The following PITPNC1 variants were observed in gnomAD, a reference collection of about 807,000 sequenced individuals.
The protein encoded by PITPNC1 is cytoplasmic phosphatidylinositol transfer protein 1.
In PITPNC1, 18 loss-of-function variants were observed where a neutral mutation model predicts 44.7. The ratio of observed to expected loss-of-function variants is 0.40; its 90% CI spans 0.28 to 0.60. The LOEUF is 0.60. Ranked by LOEUF, PITPNC1 falls within the 20% of genes least tolerant of loss-of-function variation. The pLI is 0.39. For synonymous variants in PITPNC1, 141 were observed against 149.6 expected, an observed-to-expected ratio of 0.94 and a Z score of 0.42; for missense variants, 290 against 418.4, an observed-to-expected ratio of 0.69 and a Z score of 2.68.
intron 1 of PITPNC1, among the ~76,000 whole-genome samples, chr17:67,476,384 C>T (rs1386463048): frequency 6.6e-6 from 1 of 151,796 alleles, no homozygotes; most frequent in Admixed American, 6.6e-5. Context: ...ACGGGGTTTC[C>T]CCATGTTGGC....
intron 1 of PITPNC1, among the ~76,000 whole-genome samples, chr17:67,390,678 G>A (rs1598607552): frequency 6.6e-6 from 1 of 152,238 alleles, no homozygotes; most frequent in East Asian, 1.9e-4. Flanking sequence ...GTCTAGGATG[G>A]CAAAATCACA....
chr17:67,504,541 A>C (rs1412651630), intron 1 of PITPNC1, among the ~76,000 whole-genome samples: 1 of 152,218 alleles, frequency 6.6e-6, no homozygotes, highest in Non-Finnish European at 1.5e-5. Context: ...TAGAACCCGT[A>C]CCTTCCTGGA....
chr17:67,659,983 C>T lies in PITPNC1; in HGVS notation c.463-9525C>T, dbSNP rs372311095. Among the ~76,000 whole-genome samples the T allele has an allele frequency of 7.7e-4, 117 of 152,218 alleles. 2 individuals are homozygous for T. The highest frequency in any genetic ancestry group is 2.1e-3 in the African/African-American group (89 of 41,550). ...CAACCTCCTCCCCCCAGGGTTCAAG[C>T]GATTCTTGTGCCTCAGCCTCCCAAG... is the stretch of plus-strand genomic sequence containing the variant. On this transcript the variant is annotated intron_variant, in intron 6 of 8. Transcript: ENST00000581322.
At chr17:67,454,166 G>A (rs1001952698) in intron 1 of PITPNC1, among the ~76,000 whole-genome samples, 6 of 151,768 alleles carry the variant, frequency 4.0e-5, no homozygotes, top group African/African-American at 1.2e-4. Flanking sequence ...CAGGAGAATC[G>A]CTTGAACACG....
chr17:67,663,027 C>G (rs2042371002), intron 6 of PITPNC1, among the ~76,000 whole-genome samples: 1 of 152,058 alleles, frequency 6.6e-6, no homozygotes, highest in Non-Finnish European at 1.5e-5. Flanking sequence ...AGAATGATTT[C>G]TTTTCTTTGG....
chr17:67,454,914 G>A (rs1434889959), intron 1 of PITPNC1, among the ~76,000 whole-genome samples: 1 of 151,082 alleles, frequency 6.6e-6, no homozygotes, highest in Non-Finnish European at 1.5e-5. Context: ...CCACCTCCAG[G>A]GCTCAAGCAA....
At chr17:67,582,626 T>C (rs1016421598) in intron 5 of PITPNC1, among the ~76,000 whole-genome samples, 11 of 152,204 alleles carry the variant, frequency 7.2e-5, no homozygotes, top group African/African-American at 2.7e-4. Context: ...AATATCTTCC[T>C]TGTTAAAAAT....
At chr17:67,407,925 T>C (rs1047328763) in intron 1 of PITPNC1, among the ~76,000 whole-genome samples, 1 of 152,208 alleles carries the variant, frequency 6.6e-6, no homozygotes, top group Non-Finnish European at 1.5e-5. Context: ...CCAATCGCTG[T>C]GCTTGTGAAC....
chr17:67,604,274 G>A (rs1418950939), intron 5 of PITPNC1, among the ~76,000 whole-genome samples: 1 of 152,200 alleles, frequency 6.6e-6, no homozygotes, highest in Non-Finnish European at 1.5e-5. Context: ...CTTCAGACAT[G>A]GATGGAAGGC....
chr17:67,462,221 C>CTTT (rs1567999130), intron 1 of PITPNC1, among the ~76,000 whole-genome samples: 5 of 86,482 alleles, frequency 5.8e-5, no homozygotes, highest in African/African-American at 1.4e-4. Flanking sequence ...CTCTTTCTTT[C>CTTT]TTTCTTTTTT....
At chr17:67,507,399 G>A (rs138003101) in intron 1 of PITPNC1, among the ~76,000 whole-genome samples, 1 of 152,204 alleles carries the variant, frequency 6.6e-6, no homozygotes, top group African/African-American at 2.4e-5. Flanking sequence ...ATTTAGATCT[G>A]TCTGGGCACG....
chr17:67,425,261 ACAGAGG>A (rs1211873431), intron 1 of PITPNC1, among the ~76,000 whole-genome samples: 7 of 124,780 alleles, frequency 5.6e-5, no homozygotes, highest in Non-Finnish European at 1.1e-4. Context: ...ACACACACAC[ACAGAGG>A]GAGAGAGAGA....
At chr17:67,516,600 G>T (rs1457891643) in intron 1 of PITPNC1, among the ~76,000 whole-genome samples, 1 of 152,044 alleles carries the variant, frequency 6.6e-6, no homozygotes. Context: ...TTGCTTGCAG[G>T]CAGTGACCTC....
intron 5 of PITPNC1, among the ~76,000 whole-genome samples, chr17:67,584,255 A>G (rs1244646769): frequency 6.6e-6 from 1 of 152,196 alleles, no homozygotes; most frequent in Non-Finnish European, 1.5e-5. Context: ...AGACCTGGGT[A>G]ACATATGTGT....
rs909253812 is a variant in PITPNC1 at position 67,669,794 on chromosome 17, G to A, written c.618+131G>A. On this transcript the variant is annotated intron_variant, in intron 7 of 8. Transcript: ENST00000581322. Reference sequence around the variant, plus strand: ...GCATCTCAAAAACACTTTTTGGGCCGGTTGGGGTGGCCAACACCTGTAATC... The same window carrying A: ...GCATCTCAAAAACACTTTTTGGGCCAGTTGGGGTGGCCAACACCTGTAATC... The A allele has an allele frequency of 5.8e-4, 376 of 649,674 alleles. 3 individuals are homozygous for A. Among genetic ancestry groups the A allele is most frequent in the Middle Eastern group, 1.7e-3 (5 of 2,958 alleles). 40.2% of individuals were successfully genotyped at this position (649,674 alleles called of 1,614,324 possible).
intron 1 of PITPNC1, among the ~76,000 whole-genome samples, chr17:67,488,997 G>A (rs1412372203): frequency 1.3e-5 from 2 of 152,042 alleles, no homozygotes; most frequent in African/African-American, 4.8e-5. Context: ...CCATCCCTCC[G>A]TGGATGGACA....
intron 1 of PITPNC1, among the ~76,000 whole-genome samples, chr17:67,441,749 G>A (rs1427382250): frequency 6.6e-6 from 1 of 152,102 alleles, no homozygotes; most frequent in Admixed American, 6.5e-5. Flanking sequence ...GGTCTTAGTC[G>A]TCATTAATAG....
At chr17:67,578,922 C>T (rs2041188229) in intron 5 of PITPNC1, among the ~76,000 whole-genome samples, 1 of 152,222 alleles carries the variant, frequency 6.6e-6, no homozygotes, top group Non-Finnish European at 1.5e-5. Context: ...GCAGAGGTTA[C>T]AGTGAGCCGA....
At chr17:67,490,532 G>T (rs1215660362) in intron 1 of PITPNC1, among the ~76,000 whole-genome samples, 6 of 151,976 alleles carry the variant, frequency 3.9e-5, no homozygotes, top group Non-Finnish European at 7.4e-5. Flanking sequence ...AGAGCCCCCG[G>T]GTGTGAACCC....
Sources: gnomAD v4.1 joint callset for allele counts (sites outside exome capture counted in the v4.1 genomes callset) on GRCh38, gnomAD v4.1.1 for gene constraint, MANE v1.5 for transcripts, NCBI Gene and HGNC (gene_info 2026-07-23, HGNC 2026-07-21) for gene names.